The following TMEM123 variants were observed in gnomAD, a reference collection of about 807,000 sequenced individuals.
The protein encoded by TMEM123 is transmembrane protein 123, also known as porimin.
TMEM123 carries 16 observed loss-of-function variants against 19.7 expected under a neutral mutation model. The ratio of observed to expected loss-of-function variants is 0.81; its 90% CI spans 0.55 to 1.23. The LOEUF (loss-of-function observed/expected upper bound fraction) is 1.23, where lower values mean the gene tolerates loss of function less well. Ranked by LOEUF, TMEM123 falls within the 50% of genes most tolerant of loss-of-function variation. The pLI is 0.00. For synonymous variants in TMEM123, 118 were observed against 99.4 expected, an observed-to-expected ratio of 1.19 and a Z score of -1.12; for missense variants, 313 against 257.8, an observed-to-expected ratio of 1.21 and a Z score of -1.47.
chr11:102,438,020 G>A (rs1857782900), intron 2 of TMEM123, among the ~76,000 whole-genome samples: 1 of 151,928 alleles, frequency 6.6e-6, no homozygotes, highest in Admixed American at 6.6e-5. Flanking sequence ...CCCTCTTTAT[G>A]CATGGAGGCA....
intron 2 of TMEM123, among the ~76,000 whole-genome samples, chr11:102,408,413 C>T (rs1438338735): frequency 6.6e-6 from 1 of 152,210 alleles, no homozygotes; most frequent in Non-Finnish European, 1.5e-5. Flanking sequence ...TTTTACCAAG[C>T]CTGGTAATGT....
intron 2 of TMEM123, among the ~76,000 whole-genome samples, chr11:102,421,426 C>T (rs1439515059): frequency 3.9e-5 from 6 of 152,012 alleles, no homozygotes; most frequent in African/African-American, 1.4e-4. Flanking sequence ...ATGGTCTAAA[C>T]ACGGGGAATA....
At chr11:102,429,692 T>G (rs560822944) in intron 2 of TMEM123, among the ~76,000 whole-genome samples, 7 of 152,344 alleles carry the variant, frequency 4.6e-5, no homozygotes, top group African/African-American at 1.7e-4. Flanking sequence ...AAGCAAATGT[T>G]TGACATCTTA....
intron 2 of TMEM123, among the ~76,000 whole-genome samples, chr11:102,428,039 A>T (rs200914705): frequency 6.7e-5 from 10 of 150,320 alleles, no homozygotes; most frequent in South Asian, 2.1e-4. Context: ...AGATGCTGAT[A>T]AAAAAAAGTG....
intron 2 of TMEM123, among the ~76,000 whole-genome samples, chr11:102,446,710 CAA>C (rs1857887895): frequency 6.6e-6 from 1 of 152,120 alleles, no homozygotes; most frequent in Admixed American, 6.5e-5. Flanking sequence ...GAGACCAAAA[CAA>C]GAGAAAAAAA....
intron 2 of TMEM123, among the ~76,000 whole-genome samples, chr11:102,446,182 A>G (rs1565357355): frequency 6.6e-6 from 1 of 152,234 alleles, no homozygotes; most frequent in African/African-American, 2.4e-5. Context: ...CAAACCCATT[A>G]TGAAAAATAA....
At chr11:102,412,752 G>C (rs1002327603) in intron 2 of TMEM123, among the ~76,000 whole-genome samples, 1 of 152,000 alleles carries the variant, frequency 6.6e-6, no homozygotes, top group African/African-American at 2.4e-5. Flanking sequence ...AACAAAATAC[G>C]ATAGACCTGA....
chr11:102,432,014 C>T (rs1013780668), intron 2 of TMEM123, among the ~76,000 whole-genome samples: 1 of 152,220 alleles, frequency 6.6e-6, no homozygotes, highest in Admixed American at 6.5e-5. Flanking sequence ...GTCAATTAAA[C>T]CTCTTTTCTT....
intron 2 of TMEM123, among the ~76,000 whole-genome samples, chr11:102,418,995 C>A (rs1591558314): frequency 6.6e-6 from 1 of 152,142 alleles, no homozygotes; most frequent in Non-Finnish European, 1.5e-5. Flanking sequence ...AAGAATAACA[C>A]ACCAACACCT....
chr11:102,419,821 T>C (rs1952071173), intron 2 of TMEM123, among the ~76,000 whole-genome samples: 1 of 152,240 alleles, frequency 6.6e-6, no homozygotes, highest in Non-Finnish European at 1.5e-5. Context: ...AAGGCAGCAT[T>C]ATCAATTCTA....
At chr11:102,436,657 C>T (rs1857765830) in intron 2 of TMEM123, among the ~76,000 whole-genome samples, 2 of 148,028 alleles carry the variant, frequency 1.4e-5, no homozygotes, top group East Asian at 3.8e-4. Context: ...AAGTTTCTTC[C>T]TAAGAACTTC....
chr11:102,452,705 C>CG lies in TMEM123; in HGVS notation c.-83dup. ...GAGAGCGGCTCCTCTGCGCAGCCGG[C>CG]GCCGGCTCCGCTTCCCCTTCGGCCG... On this transcript the variant is annotated 5_prime_UTR_variant, in exon 1 of 5. Coordinates refer to ENST00000398136, the MANE Select transcript of TMEM123 (RefSeq NM_052932.3). 1 of 1,106,068 alleles carries CG rather than the reference C, an allele frequency of 9.0e-7. No individual in the cohort carries two copies. Among genetic ancestry groups the CG allele is most frequent in the South Asian group, 2.3e-5 (1 of 43,876 alleles). 68.5% of individuals were successfully genotyped at this position (1,106,068 alleles called of 1,614,324 possible). A position where few individuals can be genotyped will look rare whatever the true frequency, so the allele number is the denominator to read the frequency against.
intron 2 of TMEM123, among the ~76,000 whole-genome samples, chr11:102,437,323 G>A (rs1383337974): frequency 2.0e-5 from 3 of 151,984 alleles, no homozygotes; most frequent in South Asian, 4.1e-4. Context: ...GCTGGGTGCG[G>A]TGGCACACAC....
chr11:102,402,312 A>G (rs1951921142), intron 2 of TMEM123, 106 bp from the exon 3 acceptor site: 1 of 1,152,026 alleles, frequency 8.7e-7, no homozygotes, highest in African/African-American at 1.6e-5. Flanking sequence ...GATCTTACAA[A>G]TACAGCAGCA....
intron 2 of TMEM123, among the ~76,000 whole-genome samples, chr11:102,403,909 G>A (rs1309493115): frequency 4.6e-5 from 7 of 152,064 alleles, no homozygotes; most frequent in Non-Finnish European, 8.8e-5. Flanking sequence ...TGACCTTCTC[G>A]GCCATGTTGT....
intron 2 of TMEM123, among the ~76,000 whole-genome samples, chr11:102,438,884 C>T (rs1311755374): frequency 6.6e-6 from 1 of 152,220 alleles, no homozygotes; most frequent in Non-Finnish European, 1.5e-5. Context: ...GGGACACTCC[C>T]ACCCTAATAC....
intron 2 of TMEM123, among the ~76,000 whole-genome samples, chr11:102,438,589 A>C (rs1241685865): frequency 2.0e-5 from 3 of 152,212 alleles, no homozygotes; most frequent in African/African-American, 7.2e-5. Context: ...CCTTTAAACA[A>C]AATTGGATGA....
intron 1 of TMEM123, among the ~76,000 whole-genome samples, chr11:102,451,771 G>A (rs1188075060): frequency 6.6e-6 from 1 of 152,236 alleles, no homozygotes; most frequent in Non-Finnish European, 1.5e-5. Context: ...GCCCTACACA[G>A]AAAAGCAAAG....
chr11:102,396,428 CTTT>C lies in TMEM123; in HGVS notation c.*2436_*2438del, dbSNP rs34628546. 2.0e-5 allele frequency: 3 copies of C among 151,414 alleles called. No individual in the cohort carries two copies. The highest frequency in any genetic ancestry group is 4.4e-5 in the Non-Finnish European group (3 of 67,826). The allele number at this position is 151,414 out of a possible 1,614,324, so 9.4% of individuals were successfully genotyped here. On this transcript the variant is annotated 3_prime_UTR_variant, in exon 5 of 5. Transcript: ENST00000398136. ...TAATAAAAAGAAAAGAAGAGTTTAA[CTTT>C]TTTTTTGTGAAAATACAAAATTATC...
Sources: gnomAD v4.1 joint callset for allele counts (sites outside exome capture counted in the v4.1 genomes callset) on GRCh38, gnomAD v4.1.1 for gene constraint, MANE v1.5 for transcripts, NCBI Gene and HGNC (gene_info 2026-07-23, HGNC 2026-07-21) for gene names.